Variants in GLIS1 observed in about 807,000 individuals in gnomAD.
The protein encoded by GLIS1 is zinc finger protein GLIS1.
A neutral mutation model predicts 63.8 loss-of-function variants in GLIS1; 24 were observed. The observed-to-expected ratio is 0.38, with a 90% CI of 0.27 to 0.53. The LOEUF is 0.53. Ranked by LOEUF, GLIS1 falls within the 20% of genes least tolerant of loss-of-function variation. GLIS1 has a pLI of 0.85. For missense variants in GLIS1, 1,036 were observed against 1,074.1 expected (o/e 0.96, Z 0.50); for synonymous variants, 450 against 482.5 (o/e 0.93, Z 0.88).
At chr1:53,620,174 G>A (rs555790772) in intron 2 of GLIS1, among the ~76,000 whole-genome samples, 5 of 152,210 alleles carry the variant, frequency 3.3e-5, no homozygotes, top group Non-Finnish European at 7.3e-5. Context: ...GTTGTCTGGG[G>A]CAAAGCTCTC....
Position 53,594,625 on chromosome 1 carries a change from G to A in GLIS1, c.803C>T (p.Ser268Phe). 4 of 1,567,550 alleles carry A rather than the reference G, an allele frequency of 2.6e-6. No individual in the cohort carries two copies. Among genetic ancestry groups the A allele is most frequent in the Non-Finnish European group, 3.5e-6 (4 of 1,154,028 alleles). ...SSDVTSIIRS[S>F]QTSLVTCVNG... ...TACACAGGTGACCAGAGACGTCTGGGAGGAGCGGATGATGGAGGTGACGTC... is the reference window on the plus strand; with the variant it reads ...TACACAGGTGACCAGAGACGTCTGGAAGGAGCGGATGATGGAGGTGACGTC... The change falls in exon 4 of 11, where the codon TCC becomes TTC. Residue 268 changes from serine to phenylalanine, a missense_variant. Around this residue, in one of 3 missense-constraint regions of GLIS1, gnomAD observed 592 missense variants for 593.9 expected, o/e 1.00. Transcript: ENST00000628545.
chr1:53,738,408 A>G (rs1196852690), intron 1 of GLIS1, among the ~76,000 whole-genome samples: 1 of 152,094 alleles, frequency 6.6e-6, no homozygotes, highest in Non-Finnish European at 1.5e-5. Context: ...CTTTGCACGA[A>G]TGGTGAAACT....
At chr1:53,615,279 C>T (rs911598004) in intron 2 of GLIS1, among the ~76,000 whole-genome samples, 4 of 152,198 alleles carry the variant, frequency 2.6e-5, no homozygotes, top group Non-Finnish European at 4.4e-5. Context: ...GATAAGGCGG[C>T]TGGCAGGAGG....
At chr1:53,601,919 A>AG (rs1258248128) in intron 2 of GLIS1, among the ~76,000 whole-genome samples, 9 of 152,208 alleles carry the variant, frequency 5.9e-5, no homozygotes. Flanking sequence ...GACAGGCACC[A>AG]GGCATTTGCT....
chr1:53,507,273 A>G (rs969003992), intron 10 of GLIS1, among the ~76,000 whole-genome samples: 16 of 152,092 alleles, frequency 1.1e-4, no homozygotes, highest in African/African-American at 3.1e-4. Context: ...CGGCTCCACA[A>G]TGCTCCCCTG....
chr1:53,701,261 T>C (rs934951870), intron 2 of GLIS1, among the ~76,000 whole-genome samples: 2 of 152,192 alleles, frequency 1.3e-5, no homozygotes, highest in African/African-American at 4.8e-5. Flanking sequence ...AGGATTCCAA[T>C]TGTTCTACAC....
At chr1:53,523,212 T>C (rs1033740174) in intron 6 of GLIS1, among the ~76,000 whole-genome samples, 2 of 152,018 alleles carry the variant, frequency 1.3e-5, no homozygotes, top group African/African-American at 4.8e-5. Flanking sequence ...TCAGGGAACA[T>C]GGAGGTGGTG....
chr1:53,546,531 T>G (rs765669264), intron 4 of GLIS1, among the ~76,000 whole-genome samples: 47 of 152,214 alleles, frequency 3.1e-4, no homozygotes, highest in Non-Finnish European at 5.7e-4. Context: ...AGGTGTCTTC[T>G]GGAAAACGGG....
At chr1:53,568,696 T>C (rs1644957117) in intron 4 of GLIS1, among the ~76,000 whole-genome samples, 1 of 152,144 alleles carries the variant, frequency 6.6e-6, no homozygotes, top group South Asian at 2.1e-4. Flanking sequence ...ATCTAATCAT[T>C]TAAAAGTGTG....
intron 2 of GLIS1, among the ~76,000 whole-genome samples, chr1:53,633,439 ATGAG>A (rs1437535446): frequency 2.5e-4 from 32 of 130,508 alleles, no homozygotes; most frequent in African/African-American, 7.3e-4. Flanking sequence ...AGGGGTGTGA[ATGAG>A]TGTGACTGAG....
intron 2 of GLIS1, among the ~76,000 whole-genome samples, chr1:53,703,035 T>G (rs892519851): frequency 1.3e-5 from 2 of 152,248 alleles, no homozygotes; most frequent in Non-Finnish European, 2.9e-5. Flanking sequence ...ATCTCTGCTC[T>G]GCCACTCGCC....
At chr1:53,714,736 G>A (rs1051086096) in intron 2 of GLIS1, among the ~76,000 whole-genome samples, 3 of 152,202 alleles carry the variant, frequency 2.0e-5, no homozygotes, top group Admixed American at 2.0e-4. Context: ...TGCTCCCTGG[G>A]GAGATGGACA....
intron 2 of GLIS1, among the ~76,000 whole-genome samples, chr1:53,671,474 G>A (rs2100396625): frequency 6.6e-6 from 1 of 152,350 alleles, no homozygotes; most frequent in Non-Finnish European, 1.5e-5. Flanking sequence ...GCAGATGGCT[G>A]GGGTGTTGGC....
chr1:53,600,102 T>C lies in GLIS1; in HGVS notation c.436A>G (p.Arg146Gly). 2 of 1,225,700 alleles carry C rather than the reference T, an allele frequency of 1.6e-6. No individual in the cohort carries two copies. Among genetic ancestry groups the C allele is most frequent in the Non-Finnish European group, 2.0e-6 (2 of 982,082 alleles). The allele number at this position is 1,225,700 out of a possible 1,614,324, so 75.9% of individuals were successfully genotyped here. A position where few individuals can be genotyped will look rare whatever the true frequency, so the allele number is the denominator to read the frequency against. Residue 146 changes from arginine (R) to glycine (G), a missense_variant and splice_region_variant, in exon 3 of 11, where the codon AGG (arginine) becomes GGG (glycine). By Grantham distance (125) the Arg-to-Gly change is moderately radical (BLOSUM62 -2). Coordinates refer to ENST00000628545, the MANE Select transcript of GLIS1 (RefSeq NM_001367484.1). ...ERLLHFPHPD[R>G]SPRPQATYVN... Reference sequence around the variant, plus strand: ...CAGAAAGCAGCTGCCCACACCTACCTGTCAGGGTGGGGGAAATGCAGCAGC... The same window carrying C: ...CAGAAAGCAGCTGCCCACACCTACCCGTCAGGGTGGGGGAAATGCAGCAGC...
intron 2 of GLIS1, chr1:53,734,247 T>C: frequency 1.0e-6 from 1 of 959,734 alleles, no homozygotes; most frequent in Non-Finnish European, 1.2e-6. Flanking sequence ...GTGACCTCAT[T>C]ATCTGGTTTG....
intron 4 of GLIS1, among the ~76,000 whole-genome samples, chr1:53,543,160 T>G (rs1644661405): frequency 6.6e-6 from 1 of 152,206 alleles, no homozygotes; most frequent in Non-Finnish European, 1.5e-5. Context: ...ATTTTTTTTC[T>G]CTTTCTCACT....
At chr1:53,538,799 T>G (rs1487122873) in intron 4 of GLIS1, among the ~76,000 whole-genome samples, 1 of 152,178 alleles carries the variant, frequency 6.6e-6, no homozygotes, top group African/African-American at 2.4e-5. Flanking sequence ...AGCTCTGGGC[T>G]GGGCTCTTCT....
intron 6 of GLIS1, 101 bp downstream of exon 6, chr1:53,524,676 G>A (rs867305655): frequency 1.8e-5 from 14 of 786,850 alleles, no homozygotes; most frequent in Middle Eastern, 2.4e-4. Context: ...CATACAGGGC[G>A]AGTGGGTGGG....
chr1:53,736,454 T>C (rs922020211), intron 2 of GLIS1, among the ~76,000 whole-genome samples: 3 of 152,208 alleles, frequency 2.0e-5, no homozygotes, highest in Non-Finnish European at 2.9e-5. Flanking sequence ...GGTATCTATT[T>C]AAGGGAGGAT....
Sources: allele counts gnomAD v4.1 joint callset (sites outside exome capture counted in the v4.1 genomes callset), GRCh38; gene constraint gnomAD v4.1.1; regional missense constraint gnomAD v4.1.1; transcripts MANE v1.5; gene names NCBI Gene and HGNC (gene_info 2026-07-23, HGNC 2026-07-21).